RIPOR3: variants seen among roughly 807,000 people sequenced by gnomAD.
The protein encoded by RIPOR3 is RIPOR family member 3.
In RIPOR3, 95 loss-of-function variants were observed where a neutral mutation model predicts 114.3. That is an observed-to-expected ratio of 0.83 (90% CI 0.70 to 0.99). The LOEUF is 0.99. Among genes scored for constraint, RIPOR3 ranks in the 50% least tolerant of loss-of-function variants. The pLI is 0.00. For synonymous variants in RIPOR3, 575 were observed against 543.8 expected, an observed-to-expected ratio of 1.06 and a Z score of -0.80; for missense variants, 1,252 against 1,266.9, an observed-to-expected ratio of 0.99 and a Z score of 0.18.
Position 50,609,689 on chromosome 20 carries a change from A to C in RIPOR3, c.460T>G (p.Cys154Gly), listed in dbSNP as rs1298023833. 7.2e-7 allele frequency: 1 copy of C among 1,393,606 alleles called. No homozygotes were observed. Among genetic ancestry groups the C allele is most frequent in the Non-Finnish European group, 9.3e-7 (1 of 1,073,752 alleles). The allele number at this position is 1,393,606 out of a possible 1,614,324, so 86.3% of individuals were successfully genotyped here. The change falls in exon 7 of 22, where the codon TGC becomes GGC. Residue 154 changes from cysteine (C) to glycine (G), a missense_variant. Transcript: ENST00000327979. ...DELYEDYCIQ[C>G]RLRDGASSMQ... ...CTGGAGGCGCCGTCGCGCAGGCGGC[A>C]CTGGATGCAGTAGTCCTCGTACAGC...
intron 1 of RIPOR3, among the ~76,000 whole-genome samples, chr20:50,679,081 G>A (rs1219118256): frequency 1.8e-5 from 2 of 110,240 alleles, no homozygotes; most frequent in African/African-American, 7.3e-5. Flanking sequence ...CTCCAGCCTG[G>A]GTGACAAAGC....
chr20:50,632,559 G>T (rs1484932895), intron 1 of RIPOR3, among the ~76,000 whole-genome samples: 1 of 152,218 alleles, frequency 6.6e-6, no homozygotes, highest in Admixed American at 6.5e-5. Context: ...GGCAAGCCTG[G>T]TGCCCCATGA....
intron 3 of RIPOR3, 149 bp downstream of exon 3, chr20:50,619,837 C>A: frequency 9.2e-7 from 1 of 1,083,578 alleles, no homozygotes; most frequent in East Asian, 2.5e-5. Context: ...CGGCTGCACC[C>A]TGACATACTT....
chr20:50,666,223 T>TCTTCTCTTCTCTTCTC (rs2086227939), intron 1 of RIPOR3, among the ~76,000 whole-genome samples: 1 of 105,006 alleles, frequency 9.5e-6, no homozygotes, highest in African/African-American at 3.8e-5. Flanking sequence ...TTTTCTTTTC[T>TCTTCTCTTCTCTTCTC]TTTTTGAGAC....
rs71190589 is a variant in RIPOR3 at position 50,671,982 on chromosome 20, GTGGATGGATGGATGGATGGATGGATGGA to G, written c.3+19116_3+19143del. On this transcript the variant is annotated intron_variant, in intron 1 of 21. Coordinates refer to ENST00000327979, the MANE Select transcript of RIPOR3 (RefSeq NM_001290268.2). ...GTTAGGTGGATAGGTGGATGGGTGC[GTGGATGGATGGATGGATGGATGGATGGA>G]TGGATGGATGGGTAGGTGGGTGGGT... 5.8e-4 allele frequency among the ~76,000 whole-genome samples: 80 copies of G among 137,202 alleles called. No homozygotes were observed. In the East Asian group the frequency reaches 0.017, roughly 29 times the overall value. 90.0% of individuals were successfully genotyped at this position (137,202 alleles called of 152,430 possible).
In RIPOR3 at chr20:50,620,152, G is replaced by T. The variant is rs867939827; in HGVS notation, c.123-20C>A. 5.0e-6 allele frequency: 8 copies of T among 1,610,596 alleles called. No homozygotes were observed. In the Middle Eastern group the frequency reaches 1.0e-3, roughly 201 times the overall value. ...GACTTTCTGTGAGAAGGGTTGGAGGGCAAGAGAAGTCAGAGAAGGGCCCTG... is the reference window on the plus strand; with the variant it reads ...GACTTTCTGTGAGAAGGGTTGGAGGTCAAGAGAAGTCAGAGAAGGGCCCTG... On this transcript the variant is annotated intron_variant, in intron 2 of 21. Transcript: ENST00000327979.
intron 13 of RIPOR3, among the ~76,000 whole-genome samples, chr20:50,600,585 C>T (rs2083458176): frequency 6.6e-6 from 1 of 152,062 alleles, no homozygotes; most frequent in South Asian, 2.1e-4. Flanking sequence ...AAAGTGAGAA[C>T]TCGTCTCTAT....
chr20:50,666,578 TTTTTGAGACGGC>T (rs2086256547), intron 1 of RIPOR3, among the ~76,000 whole-genome samples: 1 of 150,338 alleles, frequency 6.7e-6, no homozygotes, highest in African/African-American at 2.5e-5. Context: ...GTTTGTTGTT[TTTTTGAGACGGC>T]GTCTCACTCT....
chr20:50,645,241 G>T (rs1568917903), intron 1 of RIPOR3, among the ~76,000 whole-genome samples: 1 of 152,134 alleles, frequency 6.6e-6, no homozygotes, highest in Non-Finnish European at 1.5e-5. Context: ...AGGCAGGGAC[G>T]GCCAAAAGCT....
chr20:50,669,681 G>T (rs527731582), intron 1 of RIPOR3, among the ~76,000 whole-genome samples: 2 of 152,130 alleles, frequency 1.3e-5, no homozygotes, highest in South Asian at 4.1e-4. Flanking sequence ...TGAGAGGAAG[G>T]AAGCCCTGGT....
At chr20:50,635,118 T>C (rs1322694804) in intron 1 of RIPOR3, among the ~76,000 whole-genome samples, 1 of 152,218 alleles carries the variant, frequency 6.6e-6, no homozygotes, top group Non-Finnish European at 1.5e-5. Context: ...TACTCAGTTC[T>C]AGCATTTTAG....
At chr20:50,612,929 CA>C (rs1568860324) in intron 4 of RIPOR3, among the ~76,000 whole-genome samples, 1 of 152,118 alleles carries the variant, frequency 6.6e-6, no homozygotes, top group Admixed American at 6.5e-5. Context: ...CCCATCTCTA[CA>C]AAAAATTTAA....
chr20:50,617,281 C>A (rs114106104), intron 3 of RIPOR3, among the ~76,000 whole-genome samples: 392 of 152,254 alleles, frequency 2.6e-3, no homozygotes, highest in African/African-American at 9.1e-3. Context: ...GAAAAGATAG[C>A]TTCTGCCAGA....
chr20:50,680,213 G>A (rs563697482), intron 1 of RIPOR3, among the ~76,000 whole-genome samples: 133 of 152,186 alleles, frequency 8.7e-4, no homozygotes, highest in Non-Finnish European at 1.4e-3. Flanking sequence ...TAACTCAGGC[G>A]CTGTGGTAGC....
intron 1 of RIPOR3, among the ~76,000 whole-genome samples, chr20:50,673,042 G>A (rs993435293): frequency 1.4e-4 from 22 of 152,182 alleles, no homozygotes; most frequent in Admixed American, 7.9e-4. Flanking sequence ...GAGCTGGACC[G>A]GTGGATGTCC....
chr20:50,597,697 C>T lies in RIPOR3; in HGVS notation c.1673G>A (p.Arg558Gln), dbSNP rs780100002. 11 of 1,612,142 alleles carry T rather than the reference C, an allele frequency of 6.8e-6. No individual in the cohort carries two copies. The highest frequency in any genetic ancestry group is 3.3e-5 in the Admixed American group (2 of 59,860). ...FRDRLKPCRARQEHTSAESLM... is the reference protein window; with the variant it reads ...FRDRLKPCRAQQEHTSAESLM... ...GCTCTCGGCCGAGGTGTGCTCCTGC[C>T]GTGCTCTGCAGGGCTGTGGACGAAG... Residue 558 changes from arginine to glutamine, a missense_variant, in exon 14 of 22, where the codon CGG becomes CAG. By Grantham distance (43) the Arg-to-Gln change is conservative. Coordinates refer to ENST00000327979, the MANE Select transcript of RIPOR3 (RefSeq NM_001290268.2).
intron 18 of RIPOR3, 42 bp downstream of exon 18, chr20:50,592,993 T>C: frequency 1.2e-6 from 2 of 1,607,312 alleles, no homozygotes; most frequent in East Asian, 2.2e-5. Context: ...CAGGGCTCCG[T>C]GGATATTCCT....
At chr20:50,593,245 C>T (rs757609846) in intron 17 of RIPOR3, 49 bp from the exon 18 acceptor site, 1 of 1,583,028 alleles carries the variant, frequency 6.3e-7, no homozygotes, top group Non-Finnish European at 8.6e-7. Flanking sequence ...CTCGACCCTC[C>T]ACGCTTCTCA....
chr20:50,630,832 G>C lies in RIPOR3; in HGVS notation c.28C>G (p.Arg10Gly). The C allele has an allele frequency of 1.2e-6, 2 of 1,607,182 alleles. No individual in the cohort carries two copies. The highest frequency in any genetic ancestry group is 1.7e-6 in the Non-Finnish European group (2 of 1,177,302). The change falls in exon 2 of 22, where the codon CGG becomes GGG. Residue 10 changes from arginine (R) to glycine (G), a missense_variant. Coordinates refer to ENST00000327979, the MANE Select transcript of RIPOR3 (RefSeq NM_001290268.2). ...CCTGTGTCCCCAGGGGACAGGAACC[G>C]CAACCTCACCGACATGGTGGTCACC... MVTTMSVRL[R>G]FLSPGDTGAV...
Sources: allele counts gnomAD v4.1 joint callset (sites outside exome capture counted in the v4.1 genomes callset), GRCh38; gene constraint gnomAD v4.1.1; transcripts MANE v1.5; gene names NCBI Gene and HGNC (gene_info 2026-07-23, HGNC 2026-07-21).